MGAT4C: variants seen among roughly 807,000 people sequenced by gnomAD.
MGAT4C encodes MGAT4 family member C.
MGAT4C carries 19 observed loss-of-function variants against 40.1 expected under a neutral mutation model. The ratio of observed to expected loss-of-function variants is 0.47; its 90% CI spans 0.33 to 0.70. The LOEUF is 0.70. Ranked by LOEUF, MGAT4C falls within the 30% of genes least tolerant of loss-of-function variation. MGAT4C has a pLI of 0.02. For synonymous variants in MGAT4C, 181 were observed against 187.1 expected (o/e 0.97, Z 0.27); for missense variants, 491 against 563.2 (o/e 0.87, Z 1.30).
At chr12:86,462,854 T>C (rs560031313) in intron 2 of MGAT4C, among the ~76,000 whole-genome samples, 1 of 152,204 alleles carries the variant, frequency 6.6e-6, no homozygotes, top group Admixed American at 6.5e-5. Context: ...CGCTGGAAGC[T>C]GATTACACGG....
At chr12:86,453,404 T>C (rs926895624) in intron 2 of MGAT4C, among the ~76,000 whole-genome samples, 12 of 152,198 alleles carry the variant, frequency 7.9e-5, no homozygotes, top group Non-Finnish European at 1.5e-4. Flanking sequence ...TCCTGAAACA[T>C]TCTATTTATG....
intron 1 of MGAT4C, among the ~76,000 whole-genome samples, chr12:86,731,899 C>T (rs190933321): frequency 2.0e-5 from 3 of 152,170 alleles, no homozygotes; most frequent in Admixed American, 2.0e-4. Flanking sequence ...CTTTTTTCCC[C>T]CTTCATTCAG....
chr12:86,231,833 A>G (rs1951335170), intron 1 of MGAT4C, among the ~76,000 whole-genome samples: 1 of 152,178 alleles, frequency 6.6e-6, no homozygotes, highest in Non-Finnish European at 1.5e-5. Context: ...AAATGTCATT[A>G]GACATTATAA....
intron 1 of MGAT4C, among the ~76,000 whole-genome samples, chr12:86,764,477 T>G (rs1370026609): frequency 6.6e-6 from 1 of 151,178 alleles, no homozygotes; most frequent in African/African-American, 2.4e-5. Context: ...TCTGCAGACT[T>G]AAATGTCCCT....
At chr12:86,464,190 T>C (rs760408004) in intron 2 of MGAT4C, among the ~76,000 whole-genome samples, 1 of 152,308 alleles carries the variant, frequency 6.6e-6, no homozygotes, top group Non-Finnish European at 1.5e-5. Context: ...AAATAAAGTT[T>C]ACTGGGTAAT....
intron 2 of MGAT4C, among the ~76,000 whole-genome samples, chr12:86,512,355 C>A (rs11103974): frequency 1.3e-5 from 2 of 151,810 alleles, no homozygotes; most frequent in South Asian, 4.1e-4. Context: ...TATGGCGGTG[C>A]CTTAAACATT....
chr12:86,613,720 T>A (rs958762537), intron 2 of MGAT4C, among the ~76,000 whole-genome samples: 3 of 152,144 alleles, frequency 2.0e-5, no homozygotes, highest in Non-Finnish European at 4.4e-5. Context: ...TTTATATGAT[T>A]TTCAACATAA....
chr12:86,144,338 G>A (rs1014511811), intron 1 of MGAT4C, among the ~76,000 whole-genome samples: 6 of 152,056 alleles, frequency 3.9e-5, no homozygotes, highest in African/African-American at 1.2e-4. Context: ...CAGTGAAAAC[G>A]CTGATAGATT....
intron 2 of MGAT4C, among the ~76,000 whole-genome samples, chr12:86,048,067 A>G (rs1301442222): frequency 6.6e-6 from 1 of 152,132 alleles, no homozygotes; most frequent in African/African-American, 2.4e-5. Flanking sequence ...AAAAAAAAAG[A>G]TGACTAAATT....
chr12:86,610,308 T>C (rs1183411627), intron 2 of MGAT4C, among the ~76,000 whole-genome samples: 1 of 152,174 alleles, frequency 6.6e-6, no homozygotes, highest in Non-Finnish European at 1.5e-5. Flanking sequence ...CTATACTTGC[T>C]CAGGAGGATA....
At chr12:86,703,191 T>A (rs181935223) in intron 2 of MGAT4C, among the ~76,000 whole-genome samples, 1 of 152,256 alleles carries the variant, frequency 6.6e-6, no homozygotes, top group South Asian at 2.1e-4. Context: ...AGTGCTTTTT[T>A]GAGATGAAAC....
chr12:86,224,156 C>A (rs1593279529), intron 1 of MGAT4C, among the ~76,000 whole-genome samples: 1 of 152,212 alleles, frequency 6.6e-6, no homozygotes, highest in African/African-American at 2.4e-5. Flanking sequence ...CCAGGGGGGT[C>A]TGAAGACTGC....
intron 2 of MGAT4C, among the ~76,000 whole-genome samples, chr12:86,518,358 G>C (rs1488131615): frequency 6.6e-6 from 1 of 152,002 alleles, no homozygotes; most frequent in Non-Finnish European, 1.5e-5. Context: ...TAAATAATAA[G>C]ACAAAGTAAA....
intron 2 of MGAT4C, among the ~76,000 whole-genome samples, chr12:86,583,704 C>T (rs768036850): frequency 7.3e-5 from 11 of 151,074 alleles, no homozygotes; most frequent in Non-Finnish European, 1.6e-4. Context: ...ATATTCTATA[C>T]ATAATGAGTT....
intron 2 of MGAT4C, among the ~76,000 whole-genome samples, chr12:86,502,945 CAT>C (rs1215740773): frequency 5.3e-4 from 3 of 5,638 alleles, no homozygotes; most frequent in Admixed American, 2.6e-3. Context: ...GAGTTCTGCT[CAT>C]ATATATATAT....
Position 86,143,535 on chromosome 12 carries a change from A to G in MGAT4C, c.-56-93812T>C, listed in dbSNP as rs1883133189. ...AAGACTAACTCATTGGAAATAAAGG[A>G]AAAATTTACGCTTAGGGTATTTTTG... is the stretch of plus-strand genomic sequence containing the variant. On this transcript the variant is annotated intron_variant, in intron 1 of 4. Coordinates refer to ENST00000611864, the MANE Select transcript of MGAT4C (RefSeq NM_001351288.2). 2.0e-5 allele frequency among the ~76,000 whole-genome samples: 3 copies of G among 152,294 alleles called. No homozygotes were observed. The East Asian group carries it at 5.8e-4, about 29-fold the overall frequency.
chr12:86,614,740 G>A (rs1336786920), intron 2 of MGAT4C, among the ~76,000 whole-genome samples: 2 of 151,888 alleles, frequency 1.3e-5, no homozygotes, highest in African/African-American at 4.8e-5. Context: ...TCATTAAATA[G>A]TATTGATGCA....
intron 3 of MGAT4C, among the ~76,000 whole-genome samples, chr12:86,366,491 T>C (rs1214435698): frequency 6.6e-6 from 1 of 152,162 alleles, no homozygotes; most frequent in East Asian, 1.9e-4. Context: ...AAAACCTATG[T>C]TCTCAGTTGT....
At position 86,017,574 on chromosome 12, in the gene MGAT4C, G is replaced by A. The variant is rs151217660; in HGVS notation, c.-6-28022C>T. On this transcript the variant is annotated intron_variant, in intron 2 of 4. Coordinates refer to ENST00000611864, the MANE Select transcript of MGAT4C (RefSeq NM_001351288.2). ...CTTTAAAGATATTAAAAAAGGTAACGAAAAAATATTGACACTATGTACAGT... is the reference window on the plus strand; with the variant it reads ...CTTTAAAGATATTAAAAAAGGTAACAAAAAAATATTGACACTATGTACAGT... Among the ~76,000 whole-genome samples the A allele has an allele frequency of 3.0e-3, 462 of 152,104 alleles. 1 individual carries two copies. Among genetic ancestry groups the A allele is most frequent in the African/African-American group, 0.01 (432 of 41,510 alleles).
Sources: allele counts gnomAD v4.1 joint callset (sites outside exome capture counted in the v4.1 genomes callset), GRCh38; gene constraint gnomAD v4.1.1; transcripts MANE v1.5; gene names NCBI Gene and HGNC (gene_info 2026-07-23, HGNC 2026-07-21).